The following KHDRBS2 variants were observed in gnomAD, a reference collection of about 807,000 sequenced individuals.
KHDRBS2 encodes the protein KH RNA binding domain containing, signal transduction associated 2, also known as KH domain-containing, RNA-binding, signal transduction-associated protein 2.
A neutral mutation model predicts 44.3 loss-of-function variants in KHDRBS2; 26 were observed. The ratio of observed to expected loss-of-function variants is 0.59; its 90% confidence interval spans 0.43 to 0.81. The LOEUF is 0.81. Among genes scored for constraint, KHDRBS2 ranks in the 40% least tolerant of loss-of-function variants. The pLI, the probability that KHDRBS2 is intolerant of heterozygous loss-of-function variation, is 0.00. For synonymous variants in KHDRBS2, 194 were observed against 151.1 expected (o/e 1.28, Z -2.08); for missense variants, 476 against 433.1 (o/e 1.10, Z -0.88).
chr6:62,285,816 G>C (rs375484437), intron 1 of KHDRBS2, 42 bp downstream of exon 1: 111 of 1,428,690 alleles, frequency 7.8e-5, no homozygotes, highest in Middle Eastern at 5.2e-4. Context: ...GGGTGAGATA[G>C]GCAGCCGGCG....
At chr6:62,250,793 G>A (rs1215810147) in intron 1 of KHDRBS2, among the ~76,000 whole-genome samples, 1 of 151,896 alleles carries the variant, frequency 6.6e-6, no homozygotes, top group Non-Finnish European at 1.5e-5. Context: ...AATTACAAAA[G>A]AAATAAGGAA....
chr6:62,046,731 A>G (rs538885922), intron 3 of KHDRBS2, among the ~76,000 whole-genome samples: 1 of 151,996 alleles, frequency 6.6e-6, no homozygotes, highest in African/African-American at 2.4e-5. Context: ...AATATTTGTA[A>G]TATTTATTTT....
intron 4 of KHDRBS2, among the ~76,000 whole-genome samples, chr6:61,910,891 G>A (rs1805932576): frequency 6.6e-6 from 1 of 151,982 alleles, no homozygotes; most frequent in Admixed American, 6.6e-5. Flanking sequence ...AAATTTTCTT[G>A]GCAAATTATT....
At chr6:61,846,764 T>C (rs1305196004) in intron 6 of KHDRBS2, among the ~76,000 whole-genome samples, 2 of 143,076 alleles carry the variant, frequency 1.4e-5, no homozygotes, top group Non-Finnish European at 3.0e-5. Flanking sequence ...GTTCTAAATA[T>C]GATATAGCCC....
At chr6:62,267,602 C>T (rs941839983) in intron 1 of KHDRBS2, among the ~76,000 whole-genome samples, 3 of 151,922 alleles carry the variant, frequency 2.0e-5, no homozygotes, top group African/African-American at 7.2e-5. Flanking sequence ...AGCACGTAAG[C>T]AAATTGTATT....
chr6:61,637,741 T>C, the KHDRBS2 span, among the ~76,000 whole-genome samples: 1 of 152,136 alleles, frequency 6.6e-6, no homozygotes, highest in African/African-American at 2.4e-5. Context: ...TGGTGTGAGA[T>C]GGTATCTCAT....
chr6:61,960,736 T>C (rs1562532987), intron 4 of KHDRBS2, among the ~76,000 whole-genome samples: 1 of 152,180 alleles, frequency 6.6e-6, no homozygotes, highest in South Asian at 2.1e-4. Context: ...TTTTTCTTCC[T>C]ATACATAAAT....
At position 61,817,297 on chromosome 6, in the gene KHDRBS2, G is replaced by T. The variant is rs539935055; in HGVS notation, c.810+77338C>A. Among the ~76,000 whole-genome samples, 4 of 152,140 alleles carry T rather than the reference G, an allele frequency of 2.6e-5. No individual in the cohort carries two copies. The East Asian group carries it at 7.7e-4, about 29-fold the overall frequency. On this transcript the variant is annotated intron_variant, in intron 6 of 8. Coordinates refer to ENST00000281156, the MANE Select transcript of KHDRBS2 (RefSeq NM_152688.4). ...TTATGATTTTCTTGTGTCCACGTAG[G>T]AGCCCAGAACTATCCCAATACATAT...
chr6:62,093,856 T>G (rs1374748704), intron 2 of KHDRBS2, among the ~76,000 whole-genome samples: 4 of 143,214 alleles, frequency 2.8e-5, no homozygotes, highest in Non-Finnish European at 3.1e-5. Context: ...TTCCATTGTT[T>G]TGTGTGTGTG....
At chr6:61,763,893 C>T (rs1354313565) in intron 6 of KHDRBS2, among the ~76,000 whole-genome samples, 1 of 152,058 alleles carries the variant, frequency 6.6e-6, no homozygotes, top group African/African-American at 2.4e-5. Flanking sequence ...AAATGTGTGC[C>T]ATGGTGGTTT....
intron 1 of KHDRBS2, among the ~76,000 whole-genome samples, chr6:62,284,897 G>A (rs1445969855): frequency 6.6e-6 from 1 of 152,010 alleles, no homozygotes; most frequent in African/African-American, 2.4e-5. Flanking sequence ...TTAGTTTTTT[G>A]CTGTATGTAA....
chr6:61,927,162 C>A (rs1311086188), intron 4 of KHDRBS2, among the ~76,000 whole-genome samples: 1 of 151,652 alleles, frequency 6.6e-6, no homozygotes, highest in African/African-American at 2.4e-5. Flanking sequence ...GCAAGAGTAA[C>A]AACAACAACA....
chr6:62,184,737 A>C (rs1823076380), intron 1 of KHDRBS2, among the ~76,000 whole-genome samples: 1 of 151,856 alleles, frequency 6.6e-6, no homozygotes, highest in African/African-American at 2.4e-5. Context: ...CTTTCCTCAG[A>C]TAAGGATTTC....
chr6:61,914,953 A>G (rs187224879), intron 4 of KHDRBS2, among the ~76,000 whole-genome samples: 89 of 152,278 alleles, frequency 5.8e-4, no homozygotes, highest in Non-Finnish European at 4.9e-4. Context: ...TGAAGTCACG[A>G]AGCCATGACA....
intron 4 of KHDRBS2, among the ~76,000 whole-genome samples, chr6:61,976,196 C>CCTAATGG (rs1428960048): frequency 6.6e-6 from 1 of 152,226 alleles, no homozygotes; most frequent in African/African-American, 2.4e-5. Context: ...ACTCCTCATG[C>CCTAATGG]CTATAGGCAG....
At chr6:61,597,869 C>G in the KHDRBS2 span, among the ~76,000 whole-genome samples, 4 of 134,586 alleles carry the variant, frequency 3.0e-5, no homozygotes, top group African/African-American at 1.1e-4. Context: ...AACAAAGAAA[C>G]ATGGGGAAAT....
At chr6:61,550,110 A>T in the KHDRBS2 span, among the ~76,000 whole-genome samples, 28,374 of 151,910 alleles carry the variant, frequency 0.19, 2,983 homozygotes, top group East Asian at 0.29. Context: ...GGTAAATTGC[A>T]TGTCATTGGG....
At chr6:61,600,106 T>C in the KHDRBS2 span, among the ~76,000 whole-genome samples, 1 of 152,144 alleles carries the variant, frequency 6.6e-6, no homozygotes, top group African/African-American at 2.4e-5. Context: ...AAGAGACAAA[T>C]AGTGATTTAT....
rs1483948333 is a variant in KHDRBS2 at position 61,848,560 on chromosome 6, TATGTATATATATATAC to T, written c.810+46059_810+46074del. Among the ~76,000 whole-genome samples the T allele has an allele frequency of 8.2e-3, 319 of 38,930 alleles. 25 individuals are homozygous for T. Among genetic ancestry groups the T allele is most frequent in the African/African-American group, 0.035 (290 of 8,400 alleles). The allele number at this position is 38,930 out of a possible 152,430, so 25.5% of individuals were successfully genotyped here. The stretch of plus-strand genomic sequence containing the variant: ...ATATATGTATATATATACATATATA[TATGTATATATATATAC>T]ATATATATATATATATACTTTTTTT... On this transcript the variant is annotated intron_variant, in intron 6 of 8. Coordinates refer to ENST00000281156, the MANE Select transcript of KHDRBS2 (RefSeq NM_152688.4).
Sources: gnomAD v4.1 joint callset for allele counts (sites outside exome capture counted in the v4.1 genomes callset) on GRCh38, gnomAD v4.1.1 for gene constraint, MANE v1.5 for transcripts, NCBI Gene and HGNC (gene_info 2026-07-23, HGNC 2026-07-21) for gene names.